The following ZNF777 variants were observed in gnomAD, a reference collection of about 807,000 sequenced individuals.
ZNF777 encodes zinc finger protein 777.
A neutral mutation model predicts 72.1 loss-of-function variants in ZNF777; 7 were observed. The observed-to-expected ratio is 0.10, with a 90% CI of 0.06 to 0.18. The LOEUF is 0.18. Ranked by LOEUF, ZNF777 falls within the 10% of genes least tolerant of loss-of-function variation. ZNF777 has a pLI of 1.00. For synonymous variants in ZNF777, 545 were observed against 483.5 expected (o/e 1.13, Z -1.67); for missense variants, 828 against 1,128.6 (o/e 0.73, Z 3.82).
rs1585684424 is a variant in ZNF777, at chr7:149,431,742, G to A, written c.*34C>T. The A allele has an allele frequency of 2.9e-6, 4 of 1,375,708 alleles. No individual in the cohort carries two copies. Among genetic ancestry groups the A allele is most frequent in the African/African-American group, 1.6e-5 (1 of 64,162 alleles). 85.2% of individuals were successfully genotyped at this position (1,375,708 alleles called of 1,614,324 possible). ...GTGTCCGAGGGGGGGCACGGCCCGC[G>A]CACCTGGCCGGGCGGCGGCGGCGGG... On this transcript the variant is annotated 3_prime_UTR_variant, in exon 6 of 6. Transcript: ENST00000247930.
rs73166027 is a variant in ZNF777 at position 149,455,966 on chromosome 7, G to C, written c.57C>G (p.Thr19=). The C allele has an allele frequency of 0.046, 74,471 of 1,611,386 alleles. 1,910 individuals carry two copies. The highest frequency in any genetic ancestry group is 0.052 in the Non-Finnish European group (61,651 of 1,178,840). ...GGAGTCCAGCAGGGGCCTGACGTAA[G>C]GTTTCTTCTTGTGGAACACTGGGGA... ...LSFPSVPQEE[T]LRQAPAGLPR... The change falls in exon 2 of 6, where the codon ACC becomes ACG. Residue 19 remains threonine (T), a synonymous_variant. Coordinates refer to ENST00000247930, the MANE Select transcript of ZNF777 (RefSeq NM_015694.3). This position sits in a 1 kb window ranked among gnomAD's most constrained non-coding sequence, Gnocchi z 4.2.
rs751556601 is a variant in ZNF777, at chr7:149,432,451, G to A, written c.1821C>T (p.Arg607=). The A allele has an allele frequency of 1.5e-5, 25 of 1,613,528 alleles. No individual in the cohort carries two copies. In the East Asian group the frequency reaches 2.0e-4, roughly 13 times the overall value. The change falls in exon 6 of 6, where the codon CGC becomes CGT. Residue 607 remains arginine (R), a synonymous_variant. Coordinates refer to ENST00000247930, the MANE Select transcript of ZNF777 (RefSeq NM_015694.3). ...RVRGGCVSPE[R]GPTFNPKHAL... is the part of the protein sequence containing the mutation. ...CGTGCTTGGGGTTGAACGTGGGCCC[G>A]CGTTCGGGTGAGACGCAGCCTCCGC...
At chr7:149,440,508 C>T (rs1799490352) in intron 4 of ZNF777, among the ~76,000 whole-genome samples, 2 of 151,998 alleles carry the variant, frequency 1.3e-5, no homozygotes, top group African/African-American at 4.8e-5. Context: ...CAGGCAAGTG[C>T]TACCATGCCC....
In ZNF777 at chr7:149,432,208, G is replaced by C. The variant is rs1355580908; in HGVS notation, c.2064C>G (p.Gly688=). Residue 688 remains glycine, a synonymous_variant, in exon 6 of 6, where the codon GGC becomes GGG. Coordinates refer to ENST00000247930, the MANE Select transcript of ZNF777 (RefSeq NM_015694.3). ...SLVIHQRVHA[G]KHEVSFICSL... The stretch of plus-strand genomic sequence containing the variant: ...TGCAGATGAAGGAGACCTCATGCTT[G>C]CCCGCGTGCACGCGCTGATGGATCA... 4 of 1,606,272 alleles carry C rather than the reference G, an allele frequency of 2.5e-6. No individual in the cohort carries two copies. The African/African-American group carries it at 5.3e-5, about 21-fold the overall frequency.
At chr7:149,452,109 C>T (rs1161237903) in intron 3 of ZNF777, among the ~76,000 whole-genome samples, 1 of 151,162 alleles carries the variant, frequency 6.6e-6, no homozygotes, top group Non-Finnish European at 1.5e-5. Flanking sequence ...ACTAAAAATA[C>T]AAAAAATTAG....
intron 1 of ZNF777, chr7:149,459,584 C>T (rs1799904468): frequency 4.1e-6 from 4 of 966,382 alleles, no homozygotes; most frequent in East Asian, 2.3e-4. Flanking sequence ...CCAGAGCCAC[C>T]CCCTCCCCGT....
At chr7:149,447,429 AGT>A (rs1799624535) in intron 4 of ZNF777, among the ~76,000 whole-genome samples, 1 of 152,112 alleles carries the variant, frequency 6.6e-6, no homozygotes, top group African/African-American at 2.4e-5. Flanking sequence ...CGGAATTCTC[AGT>A]GTTTCTCCAA....
Position 149,438,253 on chromosome 7 carries a change from C to T in ZNF777, c.1088-1427G>A, listed in dbSNP as rs554985089. ...CCTCAAGTGATCTGCCCACCTCAGC[C>T]TCCCAAAGTGCTGGAATTACAGGCA... On this transcript the variant is annotated intron_variant, in intron 4 of 5. Coordinates refer to ENST00000247930, the MANE Select transcript of ZNF777 (RefSeq NM_015694.3). Among the ~76,000 whole-genome samples, 3 of 152,302 alleles carry T rather than the reference C, an allele frequency of 2.0e-5. No homozygotes were observed. In the South Asian group the frequency reaches 6.2e-4, roughly 32 times the overall value.
chr7:149,438,192 TTCAC>T (rs1226861928), intron 4 of ZNF777, among the ~76,000 whole-genome samples: 1 of 152,018 alleles, frequency 6.6e-6, no homozygotes, highest in East Asian at 1.9e-4. Context: ...GCGATGGGGT[TTCAC>T]TATGTTGGCC....
Position 149,455,480 on chromosome 7 carries a change from T to C in ZNF777, c.543A>G (p.Ala181=). 6.2e-7 allele frequency: 1 copy of C among 1,614,144 alleles called. No homozygotes were observed. The highest frequency in any genetic ancestry group is 8.5e-7 in the Non-Finnish European group (1 of 1,180,000). ...AVQKEQPLPT[A]EITRLAVWAA... ...CCCACACAGCCAAGCGGGTGATCTC[T>C]GCCGTGGGGAGCGGCTGTTCCTTCT... The change falls in exon 2 of 6, where the codon GCA becomes GCG. Residue 181 remains alanine (A), a synonymous_variant. Transcript: ENST00000247930. This position sits in a 1 kb window ranked among gnomAD's most constrained non-coding sequence, Gnocchi z 4.2.
chr7:149,437,980 A>C (rs908540770), intron 4 of ZNF777, among the ~76,000 whole-genome samples: 4 of 151,546 alleles, frequency 2.6e-5, no homozygotes, highest in Non-Finnish European at 5.9e-5. Flanking sequence ...CCCAACTTCA[A>C]GCGATTCTCC....
intron 4 of ZNF777, among the ~76,000 whole-genome samples, chr7:149,445,673 A>G (rs548228778): frequency 6.6e-6 from 1 of 152,276 alleles, no homozygotes; most frequent in African/African-American, 2.4e-5. Context: ...CCCGTTTTCA[A>G]TATGGTGCCC....
chr7:149,451,157 C>T (rs755501572), intron 3 of ZNF777, 45 bp from the exon 4 acceptor site: 2 of 1,539,136 alleles, frequency 1.3e-6, no homozygotes, highest in South Asian at 1.1e-5. Context: ...GATGAGGTTG[C>T]ACTGGATGTT....
At chr7:149,447,188 C>T (rs1349553677) in intron 4 of ZNF777, among the ~76,000 whole-genome samples, 1 of 152,120 alleles carries the variant, frequency 6.6e-6, no homozygotes, top group Non-Finnish European at 1.5e-5. Flanking sequence ...CCGAATCTGC[C>T]CCAAAAGCCA....
Position 149,436,533 on chromosome 7 carries a change from C to T in ZNF777, c.1339+42G>A, listed in dbSNP as rs1176310517. 6.5e-7 allele frequency: 1 copy of T among 1,548,090 alleles called. No individual in the cohort carries two copies. ...AGGGGGCAGGGGCCCTCTGGGAGGCCTCATGGCAACCCTTCCCCGGCCGTC... is the reference window on the plus strand; with the variant it reads ...AGGGGGCAGGGGCCCTCTGGGAGGCTTCATGGCAACCCTTCCCCGGCCGTC... On this transcript the variant is annotated intron_variant, in intron 5 of 5. Transcript: ENST00000247930. The surrounding 1 kb of genome is among the most constrained non-coding windows in gnomAD (Gnocchi z 5.0).
intron 4 of ZNF777, among the ~76,000 whole-genome samples, chr7:149,443,616 T>C (rs1799560821): frequency 6.6e-6 from 1 of 152,218 alleles, no homozygotes; most frequent in African/African-American, 2.4e-5. Context: ...TAGTGGAACA[T>C]AGTTGAACAG....
chr7:149,452,806 G>C (rs1451173269), intron 3 of ZNF777, among the ~76,000 whole-genome samples: 1 of 152,196 alleles, frequency 6.6e-6, no homozygotes, highest in Non-Finnish European at 1.5e-5. Flanking sequence ...GCACCAGGCA[G>C]TAGCCATAAA....
rs1483768909 is a variant in ZNF777, at chr7:149,432,533, T to C, written c.1739A>G (p.Glu580Gly). The change falls in exon 6 of 6, where the codon GAG (glutamate) becomes GGG (glycine). Residue 580 changes from glutamate to glycine, a missense_variant. This residue lies in a region of ZNF777 where 100 missense variants were observed against 106.2 expected (regional missense o/e 0.94). Coordinates refer to ENST00000247930, the MANE Select transcript of ZNF777 (RefSeq NM_015694.3). ...KEGPYECAECEISFRHKQQLT... is the reference protein window; with the variant it reads ...KEGPYECAECGISFRHKQQLT... The stretch of plus-strand genomic sequence containing the variant: ...CTGTTGCTTGTGCCGGAAGCTGATC[T>C]CGCATTCGGCGCACTCGTAGGGCCC... The C allele has an allele frequency of 6.2e-7, 1 of 1,613,772 alleles. No individual in the cohort carries two copies. The highest frequency in any genetic ancestry group is 1.7e-5 in the Admixed American group (1 of 59,992).
At chr7:149,434,121 C>T (rs986044958) in intron 5 of ZNF777, among the ~76,000 whole-genome samples, 1 of 152,128 alleles carries the variant, frequency 6.6e-6, no homozygotes, top group African/African-American at 2.4e-5. Flanking sequence ...GTCATCCAAG[C>T]CCAGAGATAT....
Sources: allele counts gnomAD v4.1 joint callset (sites outside exome capture counted in the v4.1 genomes callset), GRCh38; gene constraint gnomAD v4.1.1; regional missense constraint gnomAD v4.1.1; non-coding constraint Gnocchi (gnomAD v3.1); transcripts MANE v1.5; gene names NCBI Gene and HGNC (gene_info 2026-07-23, HGNC 2026-07-21).